EGF: variants seen among roughly 807,000 people sequenced by gnomAD.
The protein encoded by EGF is pro-epidermal growth factor.
EGF carries 95 observed loss-of-function variants against 143.8 expected under a neutral mutation model. The ratio of observed to expected loss-of-function variants is 0.66; its 90% confidence interval spans 0.56 to 0.78. The LOEUF (loss-of-function observed/expected upper bound fraction) is 0.78, where lower values mean the gene tolerates loss of function less well. Among genes scored for constraint, EGF ranks in the 30% least tolerant of loss-of-function variants. The probability of loss-of-function intolerance (pLI) is 0.00; values close to 1 mark genes in which losing one functional copy is unlikely to be tolerated. For missense variants in EGF, 1,320 were observed against 1,470.9 expected (o/e 0.90, Z 1.68); for synonymous variants, 510 against 510.5 (o/e 1.00, Z 0.01).
chr4:109,965,743 G>C (rs1175480134), intron 10 of EGF, among the ~76,000 whole-genome samples: 2 of 152,052 alleles, frequency 1.3e-5, no homozygotes, highest in African/African-American at 4.8e-5. Context: ...CAGTCCTCCA[G>C]GTTCCACCCC....
intron 21 of EGF, chr4:110,004,292 A>G (rs1752971038): frequency 1.6e-6 from 1 of 622,992 alleles, no homozygotes; most frequent in East Asian, 3.0e-5. Flanking sequence ...CCTTGGAAAG[A>G]GTGAAACACT....
intron 1 of EGF, among the ~76,000 whole-genome samples, chr4:109,917,210 C>T (rs2125923202): frequency 6.6e-6 from 1 of 152,192 alleles, no homozygotes; most frequent in Middle Eastern, 3.4e-3. Context: ...ATTTTTAAAG[C>T]TATTAAAAGC....
At chr4:109,917,241 T>G (rs1019513116) in intron 1 of EGF, among the ~76,000 whole-genome samples, 1 of 152,162 alleles carries the variant, frequency 6.6e-6, no homozygotes, top group Non-Finnish European at 1.5e-5. Context: ...GGTAAATTAG[T>G]TTTCTCAGTT....
chr4:109,914,597 TAA>T (rs1736280253), intron 1 of EGF, among the ~76,000 whole-genome samples: 1 of 152,184 alleles, frequency 6.6e-6, no homozygotes, highest in Non-Finnish European at 1.5e-5. Flanking sequence ...GTATTTGAAA[TAA>T]AGACTTAATC....
At chr4:109,943,213 G>A in intron 2 of EGF, 41 bp from the exon 3 acceptor site, 1 of 1,347,888 alleles carries the variant, frequency 7.4e-7, no homozygotes, top group Non-Finnish European at 1.0e-6. Flanking sequence ...TGTTGTGAAT[G>A]GGGGAAGTAT....
chr4:109,928,221 A>G (rs1739073101), intron 1 of EGF, among the ~76,000 whole-genome samples: 1 of 152,204 alleles, frequency 6.6e-6, no homozygotes, highest in Admixed American at 6.5e-5. Context: ...AGGGTGTTGG[A>G]CCAATTAGAC....
At chr4:109,921,449 C>G (rs1000786379) in intron 1 of EGF, among the ~76,000 whole-genome samples, 2 of 151,396 alleles carry the variant, frequency 1.3e-5, no homozygotes, top group African/African-American at 2.5e-5. Flanking sequence ...AAGTATTTCC[C>G]AGGACATTCA....
chr4:109,952,293 G>T (rs939696128), intron 5 of EGF, among the ~76,000 whole-genome samples: 2 of 152,134 alleles, frequency 1.3e-5, no homozygotes, highest in Non-Finnish European at 2.9e-5. Flanking sequence ...TCAGTTTTAA[G>T]CTATAAGAGA....
intron 22 of EGF, among the ~76,000 whole-genome samples, chr4:110,007,820 A>C (rs552282457): frequency 9.1e-4 from 139 of 152,344 alleles, no homozygotes; most frequent in African/African-American, 3.1e-3. Flanking sequence ...GCCTATGGGC[A>C]GTTCTTAGAA....
chr4:109,945,724 A>C (rs183368996), intron 5 of EGF, among the ~76,000 whole-genome samples: 39 of 152,304 alleles, frequency 2.6e-4, no homozygotes, highest in Non-Finnish European at 4.4e-4. Flanking sequence ...AAGAACAGTA[A>C]ATTTTTAGAG....
intron 1 of EGF, among the ~76,000 whole-genome samples, chr4:109,920,443 G>A (rs768003798): frequency 1.3e-5 from 2 of 151,534 alleles, no homozygotes; most frequent in Non-Finnish European, 2.9e-5. Flanking sequence ...GCCAGAGGTC[G>A]AGGAGAACAG....
At chr4:110,006,802 C>G (rs1248480024) in intron 22 of EGF, among the ~76,000 whole-genome samples, 1 of 152,204 alleles carries the variant, frequency 6.6e-6, no homozygotes, top group Non-Finnish European at 1.5e-5. Flanking sequence ...GCTCAGTCCC[C>G]CACAGCCGTC....
intron 1 of EGF, among the ~76,000 whole-genome samples, chr4:109,926,939 T>C (rs1738780295): frequency 6.6e-6 from 1 of 152,256 alleles, no homozygotes; most frequent in Non-Finnish European, 1.5e-5. Context: ...ATATGTCACC[T>C]GTTAAAAATT....
At chr4:109,920,715 G>T (rs1737625519) in intron 1 of EGF, among the ~76,000 whole-genome samples, 1 of 151,640 alleles carries the variant, frequency 6.6e-6, no homozygotes, top group Non-Finnish European at 1.5e-5. Context: ...CTTTAAGAAA[G>T]AACCAGAAAC....
At chr4:109,923,508 T>C (rs1738142774) in intron 1 of EGF, among the ~76,000 whole-genome samples, 1 of 151,718 alleles carries the variant, frequency 6.6e-6, no homozygotes, top group African/African-American at 2.4e-5. Flanking sequence ...AATCAGTAGA[T>C]TAATTTTTAG....
chr4:109,953,103 G>T (rs1744207220), intron 5 of EGF, among the ~76,000 whole-genome samples: 1 of 152,280 alleles, frequency 6.6e-6, no homozygotes, highest in East Asian at 1.9e-4. Context: ...TTAGAAATCT[G>T]ATCAGAATCA....
chr4:110,007,244 A>ATATG (rs1753422186), intron 22 of EGF, among the ~76,000 whole-genome samples: 1 of 152,200 alleles, frequency 6.6e-6, no homozygotes, highest in Non-Finnish European at 1.5e-5. Context: ...TCAAAGGAAA[A>ATATG]TATGGGCAAA....
chr4:109,953,679 A>T (rs1331332748), intron 5 of EGF, among the ~76,000 whole-genome samples: 1 of 152,180 alleles, frequency 6.6e-6, no homozygotes. Flanking sequence ...TTTCTCTGGA[A>T]GGAACCCTGA....
Position 109,964,430 on chromosome 4 carries a change from T to G in EGF, c.1468T>G (p.Ser490Ala), listed in dbSNP as rs1294624158. The G allele has an allele frequency of 1.9e-6, 3 of 1,613,950 alleles. No homozygotes were observed. The highest frequency in any genetic ancestry group is 2.5e-6 in the Non-Finnish European group (3 of 1,179,866). ...ACAACCATTTTTGCTGTTTGCCAAT[T>G]CTCAAGATATTCGACACATGCATTT... is the stretch of plus-strand genomic sequence containing the variant. ...GPQPFLLFAN[S>A]QDIRHMHFDG... is the part of the protein sequence containing the mutation. Residue 490 changes from serine (S) to alanine (A), a missense_variant, in exon 10 of 24, where the codon TCT becomes GCT. Physicochemically the swap from Ser to Ala is moderately conservative, Grantham distance 99. Coordinates refer to ENST00000265171, the MANE Select transcript of EGF (RefSeq NM_001963.6).
Sources: gnomAD v4.1 joint callset for allele counts (sites outside exome capture counted in the v4.1 genomes callset) on GRCh38, gnomAD v4.1.1 for gene constraint, MANE v1.5 for transcripts, NCBI Gene and HGNC (gene_info 2026-07-23, HGNC 2026-07-21) for gene names.